Variants in EFL1 observed in about 807,000 individuals in gnomAD.
EFL1 encodes the protein elongation factor-like GTPase 1.
EFL1 carries 76 observed loss-of-function variants against 126.7 expected under a neutral mutation model. That is an observed-to-expected ratio of 0.60 (90% CI 0.50 to 0.73). The LOEUF is 0.73. EFL1 is among the 30% of genes least tolerant of loss of function. The pLI is 0.00. For synonymous variants in EFL1, 410 were observed against 448.4 expected (o/e 0.91, Z 1.08); for missense variants, 1,128 against 1,343.2 (o/e 0.84, Z 2.50).
At chr15:82,160,117 T>C (rs1184805404) in intron 16 of EFL1, 1 of 152,236 alleles carries the variant, frequency 6.6e-6, no homozygotes, top group Non-Finnish European at 1.5e-5. Context: ...GTGGAAAGGA[T>C]GATGTGTGAT....
chr15:82,135,490 A>C lies in EFL1; in HGVS notation c.3174+3168T>G, dbSNP rs80354788. Among the ~76,000 whole-genome samples the C allele has an allele frequency of 4.0e-3, 604 of 152,294 alleles. 7 individuals carry two copies. The highest frequency in any genetic ancestry group is 3.6e-3 in the Non-Finnish European group (244 of 68,028). On this transcript the variant is annotated intron_variant, in intron 19 of 19. Coordinates refer to ENST00000268206, the MANE Select transcript of EFL1 (RefSeq NM_024580.6). Reference sequence around the variant, plus strand: ...CCACCTAGAGTCCGAAGGTGGGGGCATACTTTTCCTATAAAGAGCCAGACA... The same window carrying C: ...CCACCTAGAGTCCGAAGGTGGGGGCCTACTTTTCCTATAAAGAGCCAGACA...
chr15:82,179,222 G>T (rs769204892), intron 15 of EFL1, among the ~76,000 whole-genome samples: 4 of 152,158 alleles, frequency 2.6e-5, no homozygotes, highest in Non-Finnish European at 5.9e-5. Flanking sequence ...ATACTTCCTA[G>T]TATACTCAGG....
At chr15:82,232,200 A>AAG (rs2074829531) in intron 7 of EFL1, among the ~76,000 whole-genome samples, 1 of 152,134 alleles carries the variant, frequency 6.6e-6, no homozygotes, top group Non-Finnish European at 1.5e-5. Flanking sequence ...AGGGAGCCCT[A>AAG]TTTGTTAGTA....
At chr15:82,150,112 T>C (rs931244917) in intron 18 of EFL1, among the ~76,000 whole-genome samples, 3 of 152,224 alleles carry the variant, frequency 2.0e-5, no homozygotes, top group Non-Finnish European at 2.9e-5. Flanking sequence ...TGAAAAGCAC[T>C]GTATATGACA....
intron 16 of EFL1, among the ~76,000 whole-genome samples, chr15:82,163,580 T>C (rs577358463): frequency 1.3e-5 from 2 of 152,274 alleles, no homozygotes; most frequent in South Asian, 4.1e-4. Context: ...TTTGCTAAGC[T>C]ACAATCCTAT....
At chr15:82,159,487 T>C (rs574814396) in intron 16 of EFL1, among the ~76,000 whole-genome samples, 9 of 151,936 alleles carry the variant, frequency 5.9e-5, no homozygotes, top group Non-Finnish European at 7.4e-5. Flanking sequence ...TTTTTTTTTT[T>C]CAAAAGAAAT....
chr15:82,217,746 C>T (rs1026049539), intron 14 of EFL1, among the ~76,000 whole-genome samples: 16 of 152,162 alleles, frequency 1.1e-4, no homozygotes, highest in Non-Finnish European at 1.8e-4. Context: ...ATCTCCTTCT[C>T]GAGTGTGAGT....
chr15:82,228,198 A>C lies in EFL1; in HGVS notation c.1062T>G (p.Ala354=). The change falls in exon 10 of 20, where the codon GCT becomes GCG. Residue 354 remains alanine (A), a synonymous_variant. Transcript: ENST00000268206. ...ICSQWLPISH[A]VLAMVCQKLP... ...CATTAGAATAAAGGATACCAAGAAC[A>C]GCATGGGATATGGGTAGCCACTGAC... 1.9e-6 allele frequency: 3 copies of C among 1,609,930 alleles called. No individual in the cohort carries two copies. The East Asian group carries it at 6.7e-5, about 36-fold the overall frequency.
intron 15 of EFL1, among the ~76,000 whole-genome samples, chr15:82,185,805 A>AT (rs947958823): frequency 7.9e-5 from 12 of 152,090 alleles, no homozygotes; most frequent in African/African-American, 2.7e-4. Context: ...GTTTTGTAAC[A>AT]TTTTTTCCCT....
intron 18 of EFL1, among the ~76,000 whole-genome samples, chr15:82,149,615 GA>G (rs1242560749): frequency 6.6e-6 from 1 of 152,132 alleles, no homozygotes; most frequent in Non-Finnish European, 1.5e-5. Flanking sequence ...ATGTCCAAAA[GA>G]CAGCAACTGA....
In EFL1 at chr15:82,259,632, C is replaced by T. The variant is rs1013365896; in HGVS notation, c.92-477G>A. The stretch of plus-strand genomic sequence containing the variant: ...CTAAACCTAGGAATCTACTTTAAAG[C>T]AAAAGAATCTTCGAATATATTTATA... On this transcript the variant is annotated intron_variant, in intron 2 of 19. Coordinates refer to ENST00000268206, the MANE Select transcript of EFL1 (RefSeq NM_024580.6). Among the ~76,000 whole-genome samples the T allele has an allele frequency of 2.6e-5, 4 of 152,220 alleles. No homozygotes were observed. In the East Asian group the frequency reaches 5.8e-4, roughly 22 times the overall value.
rs773708360 is a variant in EFL1 at position 82,151,815 on chromosome 15, C to G, written c.2639G>C (p.Gly880Ala). 4 of 1,613,998 alleles carry G rather than the reference C, an allele frequency of 2.5e-6. No homozygotes were observed. The African/African-American group carries it at 4.0e-5, about 16-fold the overall frequency. ...CATGAGAGGCTCCTCACACATGGGG[C>G]CAGAGAGGGTTGCTAGTTGGAAGCC... ...VSGFQLATLS[G>A]PMCEEPLMGV... Residue 880 changes from glycine to alanine, a missense_variant, in exon 18 of 20, where the codon GGC becomes GCC. Gly to Ala is a moderately conservative substitution (Grantham distance 60). Transcript: ENST00000268206.
At chr15:82,244,078 C>T (rs533840927) in intron 4 of EFL1, among the ~76,000 whole-genome samples, 14 of 152,210 alleles carry the variant, frequency 9.2e-5, no homozygotes, top group African/African-American at 2.9e-4. Flanking sequence ...ACACAGCTGA[C>T]AAAGGCTTGG....
chr15:82,167,958 T>C (rs188045317), intron 15 of EFL1, among the ~76,000 whole-genome samples: 13 of 152,366 alleles, frequency 8.5e-5, no homozygotes, highest in African/African-American at 2.9e-4. Flanking sequence ...TGGATCTCTT[T>C]ACACCTTTGC....
intron 15 of EFL1, among the ~76,000 whole-genome samples, chr15:82,210,977 G>A (rs556304017): frequency 4.8e-4 from 73 of 152,060 alleles, no homozygotes; most frequent in Non-Finnish European, 9.1e-4. Context: ...AAGCCACTAG[G>A]CTTTGAGTGT....
Position 82,196,837 on chromosome 15 carries a change from G to A in EFL1, c.1750+17880C>T, listed in dbSNP as rs150555492. ...TCACGAGGTCAGGAGTTCGAGACCAGCCTGGCCAACATAGTGAAACCCTGT... is the reference window on the plus strand; with the variant it reads ...TCACGAGGTCAGGAGTTCGAGACCAACCTGGCCAACATAGTGAAACCCTGT... On this transcript the variant is annotated intron_variant, in intron 15 of 19. Transcript: ENST00000268206. Among the ~76,000 whole-genome samples, 842 of 152,252 alleles carry A rather than the reference G, an allele frequency of 5.5e-3. 14 individuals carry two copies. The highest frequency in any genetic ancestry group is 0.02 in the African/African-American group (814 of 41,548).
intron 9 of EFL1, 121 bp downstream of exon 9, chr15:82,228,913 G>C (rs1013599512): frequency 2.4e-6 from 2 of 819,864 alleles, no homozygotes; most frequent in African/African-American, 3.5e-5. Flanking sequence ...CAACTCATCT[G>C]TAGAAGCTCT....
chr15:82,170,336 G>A (rs563874461), intron 15 of EFL1, among the ~76,000 whole-genome samples: 20 of 151,800 alleles, frequency 1.3e-4, no homozygotes, highest in East Asian at 7.7e-4. Context: ...GGATGGTCTC[G>A]ATCTCCTGAC....
At chr15:82,200,067 G>T (rs1416575799) in intron 15 of EFL1, among the ~76,000 whole-genome samples, 1 of 152,120 alleles carries the variant, frequency 6.6e-6, no homozygotes. Context: ...AAACAGCGGG[G>T]AAGGAAGCAG....
Sources: allele counts gnomAD v4.1 joint callset (sites outside exome capture counted in the v4.1 genomes callset), GRCh38; gene constraint gnomAD v4.1.1; transcripts MANE v1.5; gene names NCBI Gene and HGNC (gene_info 2026-07-23, HGNC 2026-07-21).